Variants in NOVA1 observed in about 807,000 individuals in gnomAD.
NOVA1 encodes RNA-binding protein Nova-1.
In NOVA1, 7 loss-of-function variants were observed where a neutral mutation model predicts 38.0. That is an observed-to-expected ratio of 0.18 (90% CI 0.10 to 0.35). NOVA1 has a LOEUF of 0.35. Among genes scored for constraint, NOVA1 ranks in the 10% least tolerant of loss-of-function variants. The pLI is 1.00. For missense variants in NOVA1, 460 were observed against 616.0 expected, an observed-to-expected ratio of 0.75 and a Z score of 2.68; for synonymous variants, 270 against 232.5, an observed-to-expected ratio of 1.16 and a Z score of -1.47.
chr14:26,496,343 TG>T (rs1360970733), intron 2 of NOVA1, among the ~76,000 whole-genome samples: 2 of 152,220 alleles, frequency 1.3e-5, no homozygotes, highest in Admixed American at 6.5e-5. Flanking sequence ...TTGATGGGGT[TG>T]TTTTTTTCTT....
rs1222564781 is a variant in NOVA1, at chr14:26,476,718, C to CT, written c.447+3258dup. Among the ~76,000 whole-genome samples, 1,053 of 139,106 alleles carry CT rather than the reference C, an allele frequency of 7.6e-3. 5 individuals are homozygous for CT. Among genetic ancestry groups the CT allele is most frequent in the Middle Eastern group, 0.016 (4 of 244 alleles). 91.3% of individuals were successfully genotyped at this position (139,106 alleles called of 152,430 possible). On this transcript the variant is annotated intron_variant, in intron 3 of 4. Coordinates refer to ENST00000539517, the MANE Select transcript of NOVA1 (RefSeq NM_002515.3). ...ACACGCCTCTGAATTTTTTTCTTTTCTTTTTTTTTTTTTTTGAGACAGAGC... is the reference window on the plus strand; with the variant it reads ...ACACGCCTCTGAATTTTTTTCTTTTCTTTTTTTTTTTTTTTTGAGACAGAGC...
intron 2 of NOVA1, among the ~76,000 whole-genome samples, chr14:26,565,038 G>C (rs1198049714): frequency 6.6e-6 from 1 of 152,114 alleles, no homozygotes; most frequent in Non-Finnish European, 1.5e-5. Context: ...GTAGCTACAG[G>C]TGTAGAGAGT....
At chr14:26,577,441 C>A (rs1050025493) in intron 2 of NOVA1, among the ~76,000 whole-genome samples, 2 of 152,038 alleles carry the variant, frequency 1.3e-5, no homozygotes, top group Non-Finnish European at 2.9e-5. Context: ...CTAAGACAGG[C>A]TACTTTTTTT....
intron 4 of NOVA1, among the ~76,000 whole-genome samples, chr14:26,465,509 C>T (rs572031285): frequency 3.3e-5 from 5 of 152,176 alleles, no homozygotes; most frequent in African/African-American, 9.6e-5. Flanking sequence ...TGATAATATT[C>T]GTATTTGAGA....
chr14:26,596,660 AGGAAGCGCAGGATGT>A, intron 1 of NOVA1: 1 of 1,289,090 alleles, frequency 7.8e-7, no homozygotes, highest in Non-Finnish European at 1.0e-6. Context: ...TCATCTTCCA[AGGAAGCGCAGGATGT>A]TAACTAACAA....
intron 4 of NOVA1, among the ~76,000 whole-genome samples, chr14:26,455,821 A>G (rs1439660978): frequency 1.3e-5 from 2 of 152,026 alleles, no homozygotes; most frequent in African/African-American, 4.8e-5. Flanking sequence ...AAACTACTAG[A>G]AGTTAAATAA....
intron 2 of NOVA1, among the ~76,000 whole-genome samples, chr14:26,523,838 C>T (rs1889087601): frequency 6.6e-6 from 1 of 151,088 alleles, no homozygotes; most frequent in African/African-American, 2.4e-5. Context: ...GCAAGCTCCG[C>T]CTCCCGGGTT....
intron 2 of NOVA1, among the ~76,000 whole-genome samples, chr14:26,505,981 C>T (rs140858735): frequency 1.3e-5 from 2 of 152,094 alleles, no homozygotes; most frequent in African/African-American, 4.8e-5. Flanking sequence ...AAAAATGATA[C>T]ATTTAGTGAA....
chr14:26,539,081 T>A (rs961976042), intron 2 of NOVA1, among the ~76,000 whole-genome samples: 1 of 152,186 alleles, frequency 6.6e-6, no homozygotes, highest in Non-Finnish European at 1.5e-5. Context: ...CCCTTATTTC[T>A]TACATTGTAT....
At chr14:26,596,362 G>A (rs181053413) in intron 1 of NOVA1, among the ~76,000 whole-genome samples, 45 of 152,240 alleles carry the variant, frequency 3.0e-4, no homozygotes, top group African/African-American at 1.1e-3. Context: ...AACGGAAAGG[G>A]GGTGGAAGAA....
chr14:26,565,697 T>C (rs1892093675), intron 2 of NOVA1, among the ~76,000 whole-genome samples: 1 of 152,124 alleles, frequency 6.6e-6, no homozygotes, highest in East Asian at 1.9e-4. Flanking sequence ...ATCAAACTAA[T>C]TACATAAAAT....
chr14:26,492,919 T>G (rs942901784), intron 2 of NOVA1, among the ~76,000 whole-genome samples: 2 of 151,486 alleles, frequency 1.3e-5, no homozygotes, highest in African/African-American at 4.9e-5. Context: ...GGCTACAGAG[T>G]GAGGCTCTGT....
chr14:26,493,414 A>T (rs1365750816), intron 2 of NOVA1, among the ~76,000 whole-genome samples: 1 of 152,192 alleles, frequency 6.6e-6, no homozygotes, highest in Non-Finnish European at 1.5e-5. Flanking sequence ...CTTTCATATA[A>T]GTCTCTCTCC....
intron 2 of NOVA1, among the ~76,000 whole-genome samples, chr14:26,571,292 GGAA>G (rs1204035717): frequency 6.6e-6 from 1 of 152,036 alleles, no homozygotes; most frequent in African/African-American, 2.4e-5. Flanking sequence ...AGTCTCTTTT[GGAA>G]GTATTCCTCC....
chr14:26,458,664 A>C (rs1239160514), intron 4 of NOVA1, among the ~76,000 whole-genome samples: 2 of 152,058 alleles, frequency 1.3e-5, no homozygotes, highest in African/African-American at 2.4e-5. Flanking sequence ...TGGGACTCCC[A>C]GAAGGGAGAG....
chr14:26,502,325 A>T (rs1029014255), intron 2 of NOVA1, among the ~76,000 whole-genome samples: 11 of 151,868 alleles, frequency 7.2e-5, no homozygotes, highest in African/African-American at 2.7e-4. Flanking sequence ...GGACTTTGGG[A>T]TCTTAATTTA....
At chr14:26,547,982 C>A (rs1387308637) in intron 2 of NOVA1, among the ~76,000 whole-genome samples, 1 of 151,996 alleles carries the variant, frequency 6.6e-6, no homozygotes, top group Admixed American at 6.6e-5. Context: ...GCCTTTTATT[C>A]TTACTCACTT....
intron 2 of NOVA1, among the ~76,000 whole-genome samples, chr14:26,506,743 C>G (rs921733133): frequency 1.3e-5 from 2 of 152,078 alleles, no homozygotes; most frequent in Non-Finnish European, 2.9e-5. Context: ...CCACGCCCAG[C>G]TAATTTTTGT....
Position 26,544,719 on chromosome 14 carries a change from G to C in NOVA1, c.280+50691C>G, listed in dbSNP as rs1468079005. 2.6e-5 allele frequency among the ~76,000 whole-genome samples: 4 copies of C among 151,868 alleles called. No individual in the cohort carries two copies. The East Asian group carries it at 7.7e-4, about 29-fold the overall frequency. On this transcript the variant is annotated intron_variant, in intron 2 of 4. Transcript: ENST00000539517. Reference sequence around the variant, plus strand: ...GAGAGAGAAAGAAAAAAATTGAGAAGAAAAAAAGCAAGCAGCAGCAGAGAA... The same window carrying C: ...GAGAGAGAAAGAAAAAAATTGAGAACAAAAAAAGCAAGCAGCAGCAGAGAA...
Sources: allele counts gnomAD v4.1 joint callset (sites outside exome capture counted in the v4.1 genomes callset), GRCh38; gene constraint gnomAD v4.1.1; transcripts MANE v1.5; gene names NCBI Gene and HGNC (gene_info 2026-07-23, HGNC 2026-07-21).